The following CD226 variants were observed in gnomAD, a reference collection of about 807,000 sequenced individuals.
CD226 encodes CD226 molecule.
A neutral mutation model predicts 34.9 loss-of-function variants in CD226; 24 were observed. The observed-to-expected ratio is 0.69, with a 90% CI of 0.50 to 0.97. The LOEUF is 0.97. Ranked by LOEUF, CD226 falls within the 50% of genes least tolerant of loss-of-function variation. The pLI, the probability that CD226 is intolerant of heterozygous loss-of-function variation, is 0.00. For synonymous variants in CD226, 148 were observed against 147.4 expected (o/e 1.00, Z -0.03); for missense variants, 397 against 412.7 (o/e 0.96, Z 0.33).
rs761550474 is a variant in CD226 at position 69,864,396 on chromosome 18, G to T, written c.929C>A (p.Thr310Asn). ...TCTTGTATCATCCATGGATTGATTG[G>T]TAGGTTGACTGGTAGAGATGGGACT... ...YRSPISTSQP[T>N]NQSMDDTRED... The change falls in exon 6 of 6, where the codon ACC (threonine) becomes AAC (asparagine). Residue 310 changes from threonine to asparagine, a missense_variant. Physicochemically the swap from Thr to Asn is moderately conservative, Grantham distance 65. Transcript: ENST00000582621. The T allele has an allele frequency of 6.2e-7, 1 of 1,613,202 alleles. No homozygotes were observed.
chr18:69,955,670 T>C (rs1032141430), intron 1 of CD226, among the ~76,000 whole-genome samples: 1 of 152,060 alleles, frequency 6.6e-6, no homozygotes, highest in Non-Finnish European at 1.5e-5. Flanking sequence ...GAGACCATCG[T>C]GGCTAACACG....
At chr18:69,878,446 T>C (rs1341339841) in intron 3 of CD226, among the ~76,000 whole-genome samples, 4 of 152,062 alleles carry the variant, frequency 2.6e-5, no homozygotes, top group Non-Finnish European at 2.9e-5. Context: ...AAAAGGCTCA[T>C]GATAGAAATA....
In CD226 at chr18:69,891,889, T is replaced by C. The variant is rs371016674; in HGVS notation, c.727+3812A>G. Among the ~76,000 whole-genome samples the C allele has an allele frequency of 7.5e-4, 115 of 152,366 alleles. 3 individuals carry two copies. In the South Asian group the frequency reaches 0.023, roughly 31 times the overall value. ...TAATGGTAGCTTTGCTTGACAATTA[T>C]ATGAGATGCAGGTTTTCACTGTCAT... is the stretch of plus-strand genomic sequence containing the variant. On this transcript the variant is annotated intron_variant, in intron 3 of 5. Coordinates refer to ENST00000582621, the MANE Select transcript of CD226 (RefSeq NM_001303618.2).
At position 69,926,629 on chromosome 18, in the gene CD226, C is replaced by T. The variant is rs568333570; in HGVS notation, c.382+20105G>A. Among the ~76,000 whole-genome samples, 8 of 152,256 alleles carry T rather than the reference C, an allele frequency of 5.3e-5. No individual in the cohort carries two copies. The South Asian group carries it at 1.0e-3, about 20-fold the overall frequency. ...AAATGAGTTGAAGTTTCAGACTCAACAAGATATCTAATTCTTCAGGGAACA... is the reference window on the plus strand; with the variant it reads ...AAATGAGTTGAAGTTTCAGACTCAATAAGATATCTAATTCTTCAGGGAACA... On this transcript the variant is annotated intron_variant, in intron 2 of 5. Coordinates refer to ENST00000582621, the MANE Select transcript of CD226 (RefSeq NM_001303618.2).
intron 5 of CD226, among the ~76,000 whole-genome samples, chr18:69,865,051 G>A (rs1983054911): frequency 1.3e-5 from 2 of 152,100 alleles, no homozygotes; most frequent in African/African-American, 4.8e-5. Flanking sequence ...GGAGTGCAGT[G>A]GCGCAATCTA....
Position 69,917,424 on chromosome 18 carries a change from C to A in CD226, c.383-21379G>T, listed in dbSNP as rs539924046. On this transcript the variant is annotated intron_variant, in intron 2 of 5. Transcript: ENST00000582621. ...TTTCCTTCCCTCCTTCTGCTGCTTT[C>A]TGCCTCTTCCATTGAGCTTTCCTGG... Among the ~76,000 whole-genome samples the A allele has an allele frequency of 5.9e-5, 9 of 152,250 alleles. No homozygotes were observed. The South Asian group carries it at 6.2e-4, about 11-fold the overall frequency.
At chr18:69,919,829 A>G (rs1406506019) in intron 2 of CD226, among the ~76,000 whole-genome samples, 1 of 152,138 alleles carries the variant, frequency 6.6e-6, no homozygotes, top group East Asian at 1.9e-4. Context: ...CGGTTACTAT[A>G]AGAAGCATGA....
At chr18:69,875,259 C>T (rs1305748593) in intron 3 of CD226, among the ~76,000 whole-genome samples, 1 of 152,162 alleles carries the variant, frequency 6.6e-6, no homozygotes, top group African/African-American at 2.4e-5. Context: ...CTGCCTCAGC[C>T]TCCAAGTAGC....
At chr18:69,896,476 C>T (rs1985310532) in intron 2 of CD226, among the ~76,000 whole-genome samples, 2 of 152,206 alleles carry the variant, frequency 1.3e-5, no homozygotes, top group African/African-American at 4.8e-5. Flanking sequence ...CCACCGCACC[C>T]AGTTGTGAAT....
At chr18:69,955,667 T>C (rs1473846809) in intron 1 of CD226, among the ~76,000 whole-genome samples, 1 of 151,904 alleles carries the variant, frequency 6.6e-6, no homozygotes, top group Non-Finnish European at 1.5e-5. Flanking sequence ...ATCGAGACCA[T>C]CGTGGCTAAC....
intron 3 of CD226, among the ~76,000 whole-genome samples, chr18:69,876,983 C>T (rs1421657821): frequency 6.6e-6 from 1 of 151,494 alleles, no homozygotes; most frequent in Non-Finnish European, 1.5e-5. Flanking sequence ...CCTGCCTCAG[C>T]CTCCTGAGTA....
In CD226 at chr18:69,864,152, A is replaced by T; in HGVS notation, c.*162T>A. ...GAGTCAGGTTTTCTGAAACAGTTCT[A>T]TGAAAAATGATTTTAGGTAATGAAG... On this transcript the variant is annotated 3_prime_UTR_variant, in exon 6 of 6. Coordinates refer to ENST00000582621, the MANE Select transcript of CD226 (RefSeq NM_001303618.2). 1.6e-6 allele frequency: 1 copy of T among 624,662 alleles called. No individual in the cohort carries two copies. Among genetic ancestry groups the T allele is most frequent in the Non-Finnish European group, 2.7e-6 (1 of 365,746 alleles). 38.7% of individuals were successfully genotyped at this position (624,662 alleles called of 1,614,324 possible).
At chr18:69,917,802 A>G (rs920484394) in intron 2 of CD226, among the ~76,000 whole-genome samples, 26 of 152,204 alleles carry the variant, frequency 1.7e-4, no homozygotes, top group Non-Finnish European at 3.4e-4. Context: ...AAAGGATCAA[A>G]GATTGAGTCT....
At chr18:69,959,292 T>G (rs992857218), upstream of CD226, among the ~76,000 whole-genome samples, 2 of 152,188 alleles carry the variant, frequency 1.3e-5, no homozygotes, top group Non-Finnish European at 2.9e-5. Flanking sequence ...AGCAGTGAGA[T>G]AGAATGAAGA....
intron 3 of CD226, among the ~76,000 whole-genome samples, chr18:69,893,296 A>T (rs370253255): frequency 2.0e-5 from 3 of 152,340 alleles, no homozygotes; most frequent in African/African-American, 7.2e-5. Flanking sequence ...TCTTCATTTC[A>T]TTGGCAGAGT....
upstream of CD226, among the ~76,000 whole-genome samples, chr18:69,958,264 T>C (rs2055912048): frequency 6.6e-6 from 1 of 152,216 alleles, no homozygotes; most frequent in South Asian, 2.1e-4. Context: ...ATCAGATCCT[T>C]GCACAGGGCC....
intron 3 of CD226, among the ~76,000 whole-genome samples, chr18:69,877,534 T>G (rs375297034): frequency 2.0e-5 from 3 of 152,340 alleles, no homozygotes; most frequent in African/African-American, 7.2e-5. Context: ...CAGCAAGTCC[T>G]GTCCAGACTT....
chr18:69,957,252 C>T (rs532750985), upstream of CD226: 22 of 152,294 alleles, frequency 1.4e-4, no homozygotes, highest in African/African-American at 5.1e-4. Context: ...TTTTTCCTGC[C>T]AATCAAAGCA....
intron 3 of CD226, among the ~76,000 whole-genome samples, chr18:69,886,605 C>G (rs1260078071): frequency 6.6e-6 from 1 of 151,974 alleles, no homozygotes; most frequent in Non-Finnish European, 1.5e-5. Context: ...GCTTGGGAGG[C>G]TGAGGCAGAA....
Sources: allele counts gnomAD v4.1 joint callset (sites outside exome capture counted in the v4.1 genomes callset), GRCh38; gene constraint gnomAD v4.1.1; transcripts MANE v1.5; gene names NCBI Gene and HGNC (gene_info 2026-07-23, HGNC 2026-07-21).